Variants in INPP5B observed in about 807,000 individuals in gnomAD.
INPP5B encodes inositol polyphosphate-5-phosphatase B.
Under a neutral mutation model 118.5 loss-of-function variants are expected in INPP5B, and 90 were observed. The ratio of observed to expected loss-of-function variants is 0.76; its 90% CI spans 0.64 to 0.90. INPP5B has a LOEUF of 0.90. INPP5B is among the 40% of genes least tolerant of loss of function. The probability of loss-of-function intolerance (pLI) is 0.00; values close to 1 mark genes in which losing one functional copy is unlikely to be tolerated. For synonymous variants in INPP5B, 385 were observed against 418.9 expected, an observed-to-expected ratio of 0.92 and a Z score of 0.99; for missense variants, 984 against 1,125.6, an observed-to-expected ratio of 0.87 and a Z score of 1.80.
intron 7 of INPP5B, among the ~76,000 whole-genome samples, chr1:37,913,213 C>A (rs549334037): frequency 6.6e-6 from 1 of 152,098 alleles, no homozygotes; most frequent in African/African-American, 2.4e-5. Context: ...GCCGAGATCA[C>A]GCCACTGCAC....
intron 7 of INPP5B, chr1:37,931,214 C>G (rs983580214): frequency 2.9e-6 from 1 of 341,552 alleles, no homozygotes; most frequent in Non-Finnish European, 5.6e-6. Context: ...GTACACTGCG[C>G]TATCATCACA....
At position 37,943,857 on chromosome 1, in the gene INPP5B, G is replaced by A. The variant is rs370305821; in HGVS notation, c.189C>T (p.Thr63=). 8 of 1,613,980 alleles carry A rather than the reference G, an allele frequency of 5.0e-6. 1 individual carries two copies. Among genetic ancestry groups the A allele is most frequent in the South Asian group, 4.4e-5 (4 of 91,082 alleles). The stretch of plus-strand genomic sequence containing the variant: ...TCTGGTCCAGAGAGACATCGTCCCC[G>A]GTAATGGCCATCCTCCGGTGCGTAT... The part of the protein sequence containing the change: ...FLYTHRRMAI[T]GDDVSLDQIV... Residue 63 remains threonine (T), a synonymous_variant, in exon 4 of 24, where the codon ACC becomes ACT. Coordinates refer to ENST00000373024, the MANE Select transcript of INPP5B (RefSeq NM_005540.3).
At chr1:37,898,995 A>G (rs1245774536) in intron 7 of INPP5B, among the ~76,000 whole-genome samples, 2 of 151,982 alleles carry the variant, frequency 1.3e-5, no homozygotes, top group African/African-American at 4.8e-5. Flanking sequence ...TAACCTGACC[A>G]ACATGGAGAA....
intron 7 of INPP5B, 138 bp from the exon 8 acceptor site, chr1:37,891,592 T>C (rs1335181761): frequency 7.1e-6 from 4 of 565,466 alleles, no homozygotes; most frequent in African/African-American, 1.9e-5. Context: ...CTGACCAACA[T>C]GGAGAAACCC....
intron 7 of INPP5B, among the ~76,000 whole-genome samples, chr1:37,919,100 T>C (rs564210621): frequency 6.6e-6 from 1 of 152,142 alleles, no homozygotes; most frequent in Non-Finnish European, 1.5e-5. Flanking sequence ...TTTGCATGCA[T>C]GAGGACATCA....
chr1:37,884,895 A>C (rs1431212061), intron 13 of INPP5B: 1 of 151,920 alleles, frequency 6.6e-6, no homozygotes, highest in Non-Finnish European at 1.5e-5. Context: ...GGTTGTGATG[A>C]GGCGAGATTG....
chr1:37,927,826 T>C (rs150152704), intron 7 of INPP5B, among the ~76,000 whole-genome samples: 2,573 of 152,218 alleles, frequency 0.017, 33 homozygotes, highest in Non-Finnish European at 0.028. Flanking sequence ...CGTGAGCCAC[T>C]GCGCCCGGCC....
intron 7 of INPP5B, among the ~76,000 whole-genome samples, chr1:37,911,199 A>T (rs1169716496): frequency 1.3e-5 from 2 of 152,110 alleles, no homozygotes; most frequent in Non-Finnish European, 2.9e-5. Context: ...GCTATGCTCC[A>T]CTTACTCTCT....
intron 23 of INPP5B, among the ~76,000 whole-genome samples, chr1:37,863,403 T>TACTCGGG (rs1641826976): frequency 6.6e-6 from 1 of 152,008 alleles, no homozygotes; most frequent in South Asian, 2.1e-4. Context: ...TAGTCCCAGC[T>TACTCGGG]ACTCGGGAGG....
At position 37,864,360 on chromosome 1, in the gene INPP5B, C is replaced by T. The variant is rs1239353829; in HGVS notation, c.2578G>A (p.Glu860Lys). 3 of 1,613,372 alleles carry T rather than the reference C, an allele frequency of 1.9e-6. No individual in the cohort carries two copies. The South Asian group carries it at 3.3e-5, about 18-fold the overall frequency. Reference sequence around the variant, plus strand: ...TTTTTTGCTGAATTTTTCAGCAGTTCTCGCAAAAACGCCATCAAGTAGTGG... The same window carrying T: ...TTTTTTGCTGAATTTTTCAGCAGTTTTCGCAAAAACGCCATCAAGTAGTGG... Reference protein sequence around the residue: ...VFHYLMAFLRELLKNSAKNHL... With the variant: ...VFHYLMAFLRKLLKNSAKNHL... The change falls in exon 23 of 24, where the codon GAA becomes AAA. Residue 860 changes from glutamate (E) to lysine (K), a missense_variant. Physicochemically the swap from Glu to Lys is moderately conservative, Grantham distance 56 (BLOSUM62 1). Around this residue, in one of 2 missense-constraint regions of INPP5B, gnomAD observed 634 missense variants for 791.0 expected, o/e 0.80. Transcript: ENST00000373024.
At chr1:37,912,537 C>T (rs1011022840) in intron 7 of INPP5B, among the ~76,000 whole-genome samples, 1 of 152,156 alleles carries the variant, frequency 6.6e-6, no homozygotes, top group African/African-American at 2.4e-5. Context: ...CTTGTCATCC[C>T]TATCTTCTGT....
At chr1:37,918,921 T>A (rs999740726) in intron 7 of INPP5B, among the ~76,000 whole-genome samples, 2 of 152,208 alleles carry the variant, frequency 1.3e-5, no homozygotes, top group Non-Finnish European at 2.9e-5. Flanking sequence ...AGTTAGGTAA[T>A]ACGTTCAATG....
chr1:37,893,062 TG>T (rs1431803927), intron 7 of INPP5B, among the ~76,000 whole-genome samples: 12 of 151,566 alleles, frequency 7.9e-5, no homozygotes, highest in Non-Finnish European at 1.2e-4. Flanking sequence ...TTTTCCTGTA[TG>T]TTTTTTTATT....
chr1:37,889,385 C>T (rs1215735746), intron 9 of INPP5B, among the ~76,000 whole-genome samples, 172 bp downstream of exon 9: 1 of 152,128 alleles, frequency 6.6e-6, no homozygotes, highest in African/African-American at 2.4e-5. Context: ...AGAAAGGGCA[C>T]AGAATAAATG....
At chr1:37,876,552 TAAAAAAAA>T (rs34854182) in intron 16 of INPP5B, among the ~76,000 whole-genome samples, 1 of 54,592 alleles carries the variant, frequency 1.8e-5, no homozygotes, top group Non-Finnish European at 3.0e-5. Context: ...GCTGTCTCTT[TAAAAAAAA>T]AAAAAAAAAA....
At chr1:37,932,440 C>T (rs1022359384) in intron 6 of INPP5B, among the ~76,000 whole-genome samples, 2 of 145,938 alleles carry the variant, frequency 1.4e-5, no homozygotes, top group Non-Finnish European at 3.0e-5. Flanking sequence ...GCGATCTCCG[C>T]TCACTGCAAC....
At chr1:37,874,575 A>G (rs1340915905) in intron 17 of INPP5B, among the ~76,000 whole-genome samples, 3 of 152,196 alleles carry the variant, frequency 2.0e-5, no homozygotes, top group Non-Finnish European at 4.4e-5. Context: ...AGACGGGCAG[A>G]TCACTTGAGC....
rs764047712 is a variant in INPP5B, at chr1:37,875,708, G to T, written c.1686C>A (p.Val562=). The stretch of plus-strand genomic sequence containing the variant: ...TCTTCCGGTAAAGCTCGTCATTTAC[G>T]ACCCTCACCTGAAAGGGAAACATCA... ...VSSVFDIGVR[V]VNDELYRKTL... The change falls in exon 17 of 24, where the codon GTC becomes GTA. Residue 562 remains valine (V), a synonymous_variant. Transcript: ENST00000373024. The T allele has an allele frequency of 6.2e-7, 1 of 1,612,860 alleles. No individual in the cohort carries two copies. Among genetic ancestry groups the T allele is most frequent in the Admixed American group, 1.7e-5 (1 of 60,018 alleles).
chr1:37,906,627 G>A (rs1644509157), intron 7 of INPP5B, among the ~76,000 whole-genome samples: 1 of 152,062 alleles, frequency 6.6e-6, no homozygotes, highest in African/African-American at 2.4e-5. Flanking sequence ...AGGCTGAGGT[G>A]GGTGGATCAC....
Sources: allele counts gnomAD v4.1 joint callset (sites outside exome capture counted in the v4.1 genomes callset), GRCh38; gene constraint gnomAD v4.1.1; regional missense constraint gnomAD v4.1.1; transcripts MANE v1.5; gene names NCBI Gene and HGNC (gene_info 2026-07-23, HGNC 2026-07-21).